The following SHANK2 variants were observed in gnomAD, a reference collection of about 807,000 sequenced individuals.
SHANK2 encodes SH3 and multiple ankyrin repeat domains 2.
SHANK2 carries 43 observed loss-of-function variants against 133.7 expected under a neutral mutation model. The ratio of observed to expected loss-of-function variants is 0.32; its 90% CI spans 0.25 to 0.41. The LOEUF (loss-of-function observed/expected upper bound fraction) is 0.41. SHANK2 is among the 10% of genes least tolerant of loss of function. SHANK2 has a pLI of 1.00. For synonymous variants in SHANK2, 1,017 were observed against 952.8 expected (o/e 1.07, Z -1.24); for missense variants, 1,994 against 2,235.8 (o/e 0.89, Z 2.18).
chr11:70,478,090 C>T (rs2135690959), intron 25 of SHANK2, among the ~76,000 whole-genome samples: 1 of 152,038 alleles, frequency 6.6e-6, no homozygotes, highest in South Asian at 2.1e-4. Context: ...CAGAGAGGTG[C>T]TCTTATTTCA....
intron 15 of SHANK2, among the ~76,000 whole-genome samples, chr11:70,691,222 C>T (rs1296104850): frequency 2.6e-5 from 4 of 152,012 alleles, no homozygotes; most frequent in African/African-American, 9.7e-5. Context: ...AGAACATGGA[C>T]AAGAGCCAAG....
At chr11:71,227,848 A>T (rs1489515225) in intron 1 of SHANK2, among the ~76,000 whole-genome samples, 2 of 152,094 alleles carry the variant, frequency 1.3e-5, no homozygotes, top group Non-Finnish European at 2.9e-5. Context: ...TACCTCAAGA[A>T]GCTAGCAAAA....
intron 13 of SHANK2, among the ~76,000 whole-genome samples, chr11:70,806,797 C>G (rs1012136968): frequency 6.6e-6 from 1 of 152,236 alleles, no homozygotes; most frequent in Admixed American, 6.5e-5. Flanking sequence ...ATCCCTGAGA[C>G]CCAGCACTGG....
intron 17 of SHANK2, among the ~76,000 whole-genome samples, chr11:70,601,112 T>C (rs2060491498): frequency 6.6e-6 from 1 of 152,012 alleles, no homozygotes; most frequent in African/African-American, 2.4e-5. Context: ...AGCGCAGTGG[T>C]GTAATCTCAG....
intron 17 of SHANK2, among the ~76,000 whole-genome samples, chr11:70,597,289 A>C (rs1365533390): frequency 6.6e-6 from 1 of 151,750 alleles, no homozygotes; most frequent in African/African-American, 2.4e-5. Context: ...ACTCCCTTCC[A>C]CTACCCAGGC....
chr11:70,798,352 A>G, intron 14 of SHANK2, 91 bp downstream of exon 14: 1 of 698,782 alleles, frequency 1.4e-6, no homozygotes, highest in Non-Finnish European at 2.6e-6. Flanking sequence ...TCTACGACGC[A>G]ACGGCCGAAT....
intron 9 of SHANK2, among the ~76,000 whole-genome samples, chr11:71,064,308 G>A (rs1951020614): frequency 6.6e-6 from 1 of 152,224 alleles, no homozygotes; most frequent in Non-Finnish European, 1.5e-5. Flanking sequence ...GGCTGGGCAA[G>A]CTGAGTCCTG....
chr11:71,060,449 G>C (rs890536840), intron 9 of SHANK2, among the ~76,000 whole-genome samples: 1 of 152,240 alleles, frequency 6.6e-6, no homozygotes, highest in African/African-American at 2.4e-5. Flanking sequence ...GGCCCCAGCC[G>C]GTCAGGCCTC....
intron 10 of SHANK2, among the ~76,000 whole-genome samples, chr11:70,951,483 G>GCT (rs1950840726): frequency 7.9e-6 from 1 of 126,044 alleles, no homozygotes; most frequent in African/African-American, 3.2e-5. Flanking sequence ...GTTGCTGCAT[G>GCT]GTGACATCAT....
chr11:71,119,791 C>T (rs1235696456), intron 3 of SHANK2, among the ~76,000 whole-genome samples: 4 of 152,098 alleles, frequency 2.6e-5, no homozygotes, highest in African/African-American at 7.2e-5. Context: ...TCAGACAAAT[C>T]CCAAGGTGCT....
At chr11:70,767,605 C>A (rs1947149456) in intron 14 of SHANK2, among the ~76,000 whole-genome samples, 1 of 151,772 alleles carries the variant, frequency 6.6e-6, no homozygotes, top group Non-Finnish European at 1.5e-5. Flanking sequence ...ATGCCAGTCA[C>A]AAAGGCCATG....
At chr11:70,926,794 G>A (rs77153479) in intron 10 of SHANK2, among the ~76,000 whole-genome samples, 1,944 of 152,310 alleles carry the variant, frequency 0.013, 41 homozygotes, top group African/African-American at 0.043. Flanking sequence ...CTCTGAAGGC[G>A]CATGAGCTTT....
At chr11:70,898,993 G>A (rs1398052249) in intron 10 of SHANK2, among the ~76,000 whole-genome samples, 6 of 152,202 alleles carry the variant, frequency 3.9e-5, no homozygotes, top group African/African-American at 1.2e-4. Context: ...ACAAATGTGT[G>A]CTACTCTTCA....
At chr11:71,159,002 G>A (rs1413147254) in intron 2 of SHANK2, among the ~76,000 whole-genome samples, 1 of 152,208 alleles carries the variant, frequency 6.6e-6, no homozygotes, top group African/African-American at 2.4e-5. Flanking sequence ...AAGAGGCAAT[G>A]CCTTCATGTA....
intron 1 of SHANK2, among the ~76,000 whole-genome samples, chr11:71,227,081 G>A (rs782225328): frequency 6.6e-5 from 10 of 151,930 alleles, no homozygotes; most frequent in Non-Finnish European, 1.2e-4. Context: ...CACTTAAAAA[G>A]CTATACAAAG....
At chr11:70,504,300 T>C (rs949977789) in intron 17 of SHANK2, among the ~76,000 whole-genome samples, 18 of 127,502 alleles carry the variant, frequency 1.4e-4, no homozygotes, top group African/African-American at 4.6e-4. Context: ...CTGTAAGAGC[T>C]GGATAGAAGC....
intron 6 of SHANK2, among the ~76,000 whole-genome samples, chr11:71,109,464 C>T (rs1420471269): frequency 6.6e-6 from 1 of 152,236 alleles, no homozygotes; most frequent in Non-Finnish European, 1.5e-5. Flanking sequence ...CCTGGGCCAT[C>T]TTTCCCGACC....
At chr11:70,661,500 TACACAC>T (rs3837380) in intron 16 of SHANK2, 90 bp downstream of exon 16, 39,104 of 1,044,068 alleles carry the variant, frequency 0.037, 676 homozygotes, top group African/African-American at 0.11. Flanking sequence ...TGCAGGCGTA[TACACAC>T]ACACACACAC....
rs1343280576 is a variant in SHANK2, at chr11:71,079,191, A to C, written c.913-3916T>G. Among the ~76,000 whole-genome samples the C allele has an allele frequency of 2.6e-5, 4 of 152,338 alleles. No individual in the cohort carries two copies. The East Asian group carries it at 7.7e-4, about 29-fold the overall frequency. On this transcript the variant is annotated intron_variant, in intron 8 of 25. Coordinates refer to ENST00000601538, the MANE Select transcript of SHANK2 (RefSeq NM_012309.5). ...CTGCCAAATGCATATGCTGGATCCCATCACGAGCAAACACTGAGCAAACCC... is the reference window on the plus strand; with the variant it reads ...CTGCCAAATGCATATGCTGGATCCCCTCACGAGCAAACACTGAGCAAACCC...
Sources: allele counts gnomAD v4.1 joint callset (sites outside exome capture counted in the v4.1 genomes callset), GRCh38; gene constraint gnomAD v4.1.1; transcripts MANE v1.5; gene names NCBI Gene and HGNC (gene_info 2026-07-23, HGNC 2026-07-21).